FSTL5: variants seen among roughly 807,000 people sequenced by gnomAD.
The protein encoded by FSTL5 is follistatin-related protein 5.
Under a neutral mutation model 89.1 loss-of-function variants are expected in FSTL5, and 62 were observed. That is an observed-to-expected ratio of 0.70 (90% CI 0.57 to 0.86). The LOEUF is 0.86. Ranked by LOEUF, FSTL5 falls within the 40% of genes least tolerant of loss-of-function variation. The pLI is 0.00. For missense variants in FSTL5, 1,057 were observed against 1,001.6 expected (o/e 1.06, Z -0.75); for synonymous variants, 383 against 346.2 (o/e 1.11, Z -1.18).
intron 4 of FSTL5, among the ~76,000 whole-genome samples, chr4:161,798,852 T>C (rs967945682): frequency 2.6e-5 from 4 of 151,620 alleles, no homozygotes; most frequent in Non-Finnish European, 5.9e-5. Context: ...AAAAAAACCC[T>C]AAAACATTAG....
At chr4:161,463,887 A>C (rs996363777) in intron 13 of FSTL5, among the ~76,000 whole-genome samples, 1 of 152,152 alleles carries the variant, frequency 6.6e-6, no homozygotes, top group African/African-American at 2.4e-5. Flanking sequence ...ATCCCTTTGC[A>C]ATATCTCTAC....
intron 6 of FSTL5, among the ~76,000 whole-genome samples, chr4:161,676,187 C>T (rs1233663846): frequency 7.2e-5 from 11 of 152,016 alleles, no homozygotes; most frequent in Admixed American, 1.3e-4. Context: ...GATTAAACTA[C>T]CAAACATTAC....
chr4:161,785,422 T>C lies in FSTL5; in HGVS notation c.410-9348A>G, dbSNP rs1191527268. Among the ~76,000 whole-genome samples the C allele has an allele frequency of 3.3e-5, 5 of 152,196 alleles. No homozygotes were observed. In the East Asian group the frequency reaches 9.6e-4, roughly 29 times the overall value. ...AAGAACCTTTGGTTGATAAGGTTTT[T>C]TAATTTCTCCAAAAATTATTAGAGC... On this transcript the variant is annotated intron_variant, in intron 4 of 15. Transcript: ENST00000306100.
chr4:161,972,047 G>T (rs1375646284), intron 3 of FSTL5, among the ~76,000 whole-genome samples: 1 of 151,998 alleles, frequency 6.6e-6, no homozygotes, highest in African/African-American at 2.4e-5. Context: ...AATTCCTTCT[G>T]GCCACTGCTC....
intron 3 of FSTL5, among the ~76,000 whole-genome samples, chr4:161,951,837 C>T (rs1284937608): frequency 6.6e-6 from 1 of 151,732 alleles, no homozygotes; most frequent in African/African-American, 2.4e-5. Flanking sequence ...TATGAATTTC[C>T]ATATATTATT....
intron 4 of FSTL5, among the ~76,000 whole-genome samples, chr4:161,817,260 ATAAT>A (rs1291422070): frequency 6.6e-6 from 1 of 152,216 alleles, no homozygotes; most frequent in African/African-American, 2.4e-5. Context: ...AACAAGTTGA[ATAAT>A]TAAGTTAAAG....
At chr4:161,962,506 T>C (rs916729088) in intron 3 of FSTL5, among the ~76,000 whole-genome samples, 1 of 151,602 alleles carries the variant, frequency 6.6e-6, no homozygotes, top group Non-Finnish European at 1.5e-5. Flanking sequence ...CTCAGAGTAT[T>C]TTTTTTTGTA....
chr4:161,687,348 T>A (rs1737782333), intron 6 of FSTL5, among the ~76,000 whole-genome samples: 1 of 152,230 alleles, frequency 6.6e-6, no homozygotes, highest in African/African-American at 2.4e-5. Context: ...ATCTTTATAC[T>A]ATTTCTTTAA....
chr4:161,809,779 T>C (rs1730082922), intron 4 of FSTL5, among the ~76,000 whole-genome samples: 1 of 152,218 alleles, frequency 6.6e-6, no homozygotes, highest in South Asian at 2.1e-4. Flanking sequence ...CCAAGAATAG[T>C]TCACATTCAT....
chr4:161,851,293 C>T (rs1055435105), intron 4 of FSTL5, among the ~76,000 whole-genome samples: 10 of 152,110 alleles, frequency 6.6e-5, no homozygotes, highest in African/African-American at 2.4e-4. Flanking sequence ...AAGCTACTGT[C>T]TCAGAAGATT....
At chr4:161,989,436 C>A (rs766946736) in intron 3 of FSTL5, among the ~76,000 whole-genome samples, 1 of 152,116 alleles carries the variant, frequency 6.6e-6, no homozygotes, top group Non-Finnish European at 1.5e-5. Context: ...AAAAATATTA[C>A]AGCATGCTTT....
At chr4:162,128,751 CTATG>C (rs927336631) in intron 1 of FSTL5, among the ~76,000 whole-genome samples, 3 of 151,872 alleles carry the variant, frequency 2.0e-5, no homozygotes, top group Admixed American at 6.6e-5. Context: ...CCCGATCTTC[CTATG>C]TATTTCATTA....
intron 2 of FSTL5, among the ~76,000 whole-genome samples, chr4:162,101,190 T>C (rs1730983945): frequency 6.6e-6 from 1 of 152,198 alleles, no homozygotes. Context: ...AAGCAAACTT[T>C]GCATTGGCTC....
intron 3 of FSTL5, among the ~76,000 whole-genome samples, chr4:161,969,187 A>G (rs1003090005): frequency 3.9e-5 from 6 of 152,136 alleles, no homozygotes; most frequent in Non-Finnish European, 7.4e-5. Flanking sequence ...GAGTACAGTT[A>G]TTAGTTGATT....
chr4:161,904,182 AAG>A (rs1189672054), intron 4 of FSTL5, among the ~76,000 whole-genome samples: 4 of 152,088 alleles, frequency 2.6e-5, no homozygotes, highest in Non-Finnish European at 4.4e-5. Flanking sequence ...AGCAAAAAAA[AAG>A]AGAAAAAAAT....
chr4:161,943,323 T>G (rs879661134), intron 3 of FSTL5, among the ~76,000 whole-genome samples: 1 of 151,806 alleles, frequency 6.6e-6, no homozygotes, highest in Non-Finnish European at 1.5e-5. Flanking sequence ...GAAGTTTGCT[T>G]ACAAACAGTA....
At chr4:161,510,203 A>G (rs1186283485) in intron 11 of FSTL5, among the ~76,000 whole-genome samples, 195 bp downstream of exon 11, 1 of 152,162 alleles carries the variant, frequency 6.6e-6, no homozygotes, top group Non-Finnish European at 1.5e-5. Flanking sequence ...GCTATGTATC[A>G]ATATTTAATC....
chr4:162,074,766 A>C (rs573275660), intron 2 of FSTL5, among the ~76,000 whole-genome samples: 1 of 151,868 alleles, frequency 6.6e-6, no homozygotes, highest in East Asian at 2.0e-4. Flanking sequence ...GACGCTCCTT[A>C]CCTTACGATG....
At chr4:161,689,334 C>G (rs1028315149) in intron 6 of FSTL5, among the ~76,000 whole-genome samples, 1 of 152,012 alleles carries the variant, frequency 6.6e-6, no homozygotes, top group African/African-American at 2.4e-5. Flanking sequence ...GCTGCATAAT[C>G]CAGGACAGTA....
Sources: allele counts gnomAD v4.1 joint callset (sites outside exome capture counted in the v4.1 genomes callset), GRCh38; gene constraint gnomAD v4.1.1; transcripts MANE v1.5; gene names NCBI Gene and HGNC (gene_info 2026-07-23, HGNC 2026-07-21).